The following TMEM45A variants were observed in gnomAD, a reference collection of about 807,000 sequenced individuals.
TMEM45A encodes transmembrane protein 45A.
TMEM45A carries 25 observed loss-of-function variants against 32.0 expected under a neutral mutation model. The observed-to-expected ratio is 0.78, with a 90% CI of 0.57 to 1.09. TMEM45A has a LOEUF of 1.09. Ranked by LOEUF, TMEM45A falls within the 50% of genes least tolerant of loss-of-function variation. The pLI, the probability that TMEM45A is intolerant of heterozygous loss-of-function variation, is 0.00. For missense variants in TMEM45A, 302 were observed against 325.0 expected (o/e 0.93, Z 0.54); for synonymous variants, 122 against 114.8 (o/e 1.06, Z -0.40).
chr3:100,513,228 A>G (rs1487369279), intron 1 of TMEM45A, among the ~76,000 whole-genome samples: 4 of 151,892 alleles, frequency 2.6e-5, no homozygotes, highest in Non-Finnish European at 5.9e-5. Flanking sequence ...AATCCTCAAT[A>G]AAATACTGGC....
At chr3:100,498,024 G>C (rs2148923671) in intron 1 of TMEM45A, among the ~76,000 whole-genome samples, 1 of 152,330 alleles carries the variant, frequency 6.6e-6, no homozygotes, top group Middle Eastern at 3.4e-3. Context: ...GACCTGGTGG[G>C]AGGTGATTGG....
chr3:100,499,913 A>G (rs1245858163), intron 1 of TMEM45A, among the ~76,000 whole-genome samples: 2 of 152,222 alleles, frequency 1.3e-5, no homozygotes, highest in African/African-American at 2.4e-5. Context: ...TAGTATTTCC[A>G]AGAAAGAAAA....
chr3:100,522,244 TG>T (rs1371076307), intron 1 of TMEM45A, among the ~76,000 whole-genome samples: 9 of 152,290 alleles, frequency 5.9e-5, no homozygotes, highest in Admixed American at 1.3e-4. Context: ...GGCAGTGGTT[TG>T]GGGGGCTGAC....
intron 4 of TMEM45A, among the ~76,000 whole-genome samples, chr3:100,559,855 A>C (rs1214732186): frequency 6.6e-6 from 1 of 152,148 alleles, no homozygotes; most frequent in African/African-American, 2.4e-5. Flanking sequence ...ATTTTCAAAA[A>C]TAAATTTAAA....
At chr3:100,529,890 G>T (rs374433040) in intron 1 of TMEM45A, among the ~76,000 whole-genome samples, 2 of 152,070 alleles carry the variant, frequency 1.3e-5, no homozygotes, top group Non-Finnish European at 2.9e-5. Context: ...AGTGCTGGGG[G>T]TTATGGGTGT....
chr3:100,524,525 A>G lies in TMEM45A; in HGVS notation c.-3-30684A>G, dbSNP rs57850359. On this transcript the variant is annotated intron_variant, in intron 1 of 5. Coordinates refer to ENST00000323523, the MANE Select transcript of TMEM45A (RefSeq NM_018004.3). Reference sequence around the variant, plus strand: ...ATTTGTCAGGCATCCTGCAAGTTTTACATTGTCCAATATGGTAGCCACGAG... The same window carrying G: ...ATTTGTCAGGCATCCTGCAAGTTTTGCATTGTCCAATATGGTAGCCACGAG... 7.5e-3 allele frequency among the ~76,000 whole-genome samples: 1,136 copies of G among 152,172 alleles called. 8 individuals are homozygous for G. Among genetic ancestry groups the G allele is most frequent in the African/African-American group, 0.026 (1,085 of 41,498 alleles).
At chr3:100,541,345 T>C (rs1313061088) in intron 1 of TMEM45A, among the ~76,000 whole-genome samples, 1 of 152,174 alleles carries the variant, frequency 6.6e-6, no homozygotes, top group African/African-American at 2.4e-5. Flanking sequence ...GTCCCACTTG[T>C]TGATTTTTGT....
intron 1 of TMEM45A, among the ~76,000 whole-genome samples, chr3:100,511,572 G>A (rs1227436381): frequency 2.0e-5 from 3 of 151,788 alleles, no homozygotes; most frequent in Non-Finnish European, 4.4e-5. Flanking sequence ...GAACTAATGA[G>A]CAAAATAACC....
At chr3:100,516,605 C>T (rs1265835293) in intron 1 of TMEM45A, among the ~76,000 whole-genome samples, 1 of 152,188 alleles carries the variant, frequency 6.6e-6, no homozygotes, top group African/African-American at 2.4e-5. Context: ...TCCCCAGACT[C>T]ATGATTGCCT....
intron 1 of TMEM45A, among the ~76,000 whole-genome samples, chr3:100,554,129 T>C (rs1237157349): frequency 1.3e-5 from 2 of 152,166 alleles, no homozygotes; most frequent in African/African-American, 4.8e-5. Flanking sequence ...TGGTATGATA[T>C]GTTTCAACAA....
At chr3:100,547,570 T>G (rs1482060399) in intron 1 of TMEM45A, among the ~76,000 whole-genome samples, 1 of 151,442 alleles carries the variant, frequency 6.6e-6, no homozygotes, top group Non-Finnish European at 1.5e-5. Flanking sequence ...TTGAATAGGC[T>G]GAGGAGGAGG....
intron 1 of TMEM45A, among the ~76,000 whole-genome samples, chr3:100,527,333 T>G (rs1048045586): frequency 6.6e-6 from 1 of 152,242 alleles, no homozygotes; most frequent in Non-Finnish European, 1.5e-5. Context: ...AAATGTCTTG[T>G]ATACTATATT....
At chr3:100,502,043 A>G (rs1559632806) in intron 1 of TMEM45A, among the ~76,000 whole-genome samples, 2 of 152,218 alleles carry the variant, frequency 1.3e-5, no homozygotes, top group Non-Finnish European at 2.9e-5. Flanking sequence ...AGTTCCTTAA[A>G]GATTCCTCTA....
At chr3:100,500,644 A>G (rs1707997594) in intron 1 of TMEM45A, among the ~76,000 whole-genome samples, 1 of 152,202 alleles carries the variant, frequency 6.6e-6, no homozygotes, top group South Asian at 2.1e-4. Context: ...GCATCCACCC[A>G]TCACCGCTTC....
At chr3:100,543,825 A>G (rs1315753810) in intron 1 of TMEM45A, among the ~76,000 whole-genome samples, 1 of 152,154 alleles carries the variant, frequency 6.6e-6, no homozygotes, top group Non-Finnish European at 1.5e-5. Flanking sequence ...TGGGAGAGGC[A>G]TAGGGCCAAG....
rs976407757 is a variant in TMEM45A, at chr3:100,558,338, G to A, written c.404-67G>A. ...TGTAAAATTCTGTCTACGGAGAGAG[G>A]GAGAGAGAGAAACAGTGGGTGGTCC... On this transcript the variant is annotated intron_variant, in intron 3 of 5. Coordinates refer to ENST00000323523, the MANE Select transcript of TMEM45A (RefSeq NM_018004.3). The A allele has an allele frequency of 1.5e-5, 23 of 1,582,802 alleles. No homozygotes were observed. The African/African-American group carries it at 2.7e-4, about 19-fold the overall frequency.
chr3:100,515,778 T>C (rs189950659), intron 1 of TMEM45A, among the ~76,000 whole-genome samples: 72 of 152,226 alleles, frequency 4.7e-4, no homozygotes, highest in Non-Finnish European at 7.2e-4. Context: ...TACTAATACA[T>C]GAGAGCTAAA....
intron 5 of TMEM45A, chr3:100,570,625 C>T (rs942436495): frequency 6.6e-6 from 1 of 152,294 alleles, no homozygotes; most frequent in Non-Finnish European, 1.5e-5. Context: ...TTCTGGGCCT[C>T]ATCTCCTTAG....
intron 1 of TMEM45A, among the ~76,000 whole-genome samples, chr3:100,549,222 G>A (rs1025882048): frequency 2.0e-5 from 3 of 151,590 alleles, no homozygotes; most frequent in Non-Finnish European, 4.4e-5. Context: ...ACTCCAGCCT[G>A]GGCAACAGAG....
Sources: gnomAD v4.1 joint callset for allele counts (sites outside exome capture counted in the v4.1 genomes callset) on GRCh38, gnomAD v4.1.1 for gene constraint, MANE v1.5 for transcripts, NCBI Gene and HGNC (gene_info 2026-07-23, HGNC 2026-07-21) for gene names.